The following SRP72 variants were observed in gnomAD, a reference collection of about 807,000 sequenced individuals.
SRP72 encodes the protein signal recognition particle subunit SRP72.
SRP72 carries 49 observed loss-of-function variants against 96.3 expected under a neutral mutation model. The ratio of observed to expected loss-of-function variants is 0.51; its 90% CI spans 0.40 to 0.65. The LOEUF (loss-of-function observed/expected upper bound fraction) is 0.65. Ranked by LOEUF, SRP72 falls within the 30% of genes least tolerant of loss-of-function variation. The pLI, the probability that SRP72 is intolerant of heterozygous loss-of-function variation, is 0.00. For missense variants in SRP72, 736 were observed against 793.3 expected, an observed-to-expected ratio of 0.93 and a Z score of 0.87; for synonymous variants, 267 against 275.2, an observed-to-expected ratio of 0.97 and a Z score of 0.30.
At chr4:56,500,857 C>CT (rs1438165698) in intron 18 of SRP72, among the ~76,000 whole-genome samples, 162 bp downstream of exon 18, 3 of 152,046 alleles carry the variant, frequency 2.0e-5, no homozygotes, top group Non-Finnish European at 4.4e-5. Flanking sequence ...AATATATTGC[C>CT]TTTTTAGACT....
intron 9 of SRP72, among the ~76,000 whole-genome samples, chr4:56,483,637 C>G (rs1213555864): frequency 6.6e-6 from 1 of 151,562 alleles, no homozygotes; most frequent in Non-Finnish European, 1.5e-5. Context: ...CCACTTCACT[C>G]CAGCCTGGGC....
chr4:56,474,202 G>A lies in SRP72; in HGVS notation c.498+5G>A, dbSNP rs1720109104. On this transcript the variant is annotated splice_donor_5th_base_variant and intron_variant, in intron 4 of 18. Transcript: ENST00000642900. ...AATTGGGAAAAAGTGGTTCCAGTGAGTATCCTTGTGGTGTACCCATACAGT... is the reference window on the plus strand; with the variant it reads ...AATTGGGAAAAAGTGGTTCCAGTGAATATCCTTGTGGTGTACCCATACAGT... 6.2e-7 allele frequency: 1 copy of A among 1,614,036 alleles called. No homozygotes were observed. Among genetic ancestry groups the A allele is most frequent in the South Asian group, 1.1e-5 (1 of 91,076 alleles).
intron 3 of SRP72, among the ~76,000 whole-genome samples, chr4:56,473,232 G>A (rs1402750456): frequency 6.6e-6 from 1 of 152,044 alleles, no homozygotes; most frequent in East Asian, 1.9e-4. Flanking sequence ...GGCCAAGGCG[G>A]GCGGATCATG....
chr4:56,493,956 A>G (rs1720992842), intron 16 of SRP72, among the ~76,000 whole-genome samples: 1 of 152,218 alleles, frequency 6.6e-6, no homozygotes, highest in South Asian at 2.1e-4. Flanking sequence ...CAGGGCATAG[A>G]GGAGTACACC....
At chr4:56,494,216 T>A (rs1203006620) in intron 16 of SRP72, among the ~76,000 whole-genome samples, 1 of 152,188 alleles carries the variant, frequency 6.6e-6, no homozygotes, top group Non-Finnish European at 1.5e-5. Context: ...AGATACAGTA[T>A]GTTGCATTTC....
chr4:56,467,647 C>T lies in SRP72; in HGVS notation c.12C>T (p.Gly4=), dbSNP rs752365891. MAS[G]GSGGVSVPAL... ...TCGTCTCCTCCAAGATGGCGAGCGG[C>T]GGCAGCGGGGGGGTGTCAGTACCTG... Residue 4 remains glycine, a synonymous_variant, in exon 1 of 19, where the codon GGC becomes GGT. Transcript: ENST00000642900. The T allele has an allele frequency of 5.8e-6, 9 of 1,558,988 alleles. No homozygotes were observed. Among genetic ancestry groups the T allele is most frequent in the East Asian group, 2.5e-5 (1 of 39,646 alleles).
chr4:56,494,409 T>C, intron 16 of SRP72, among the ~76,000 whole-genome samples: 1 of 60,704 alleles, frequency 1.6e-5, no homozygotes, highest in Non-Finnish European at 4.2e-5. Flanking sequence ...TCAGAATGCT[T>C]TTTTTTTTTT....
chr4:56,483,346 A>C (rs766040778), intron 9 of SRP72, 76 bp downstream of exon 9: 12 of 1,393,768 alleles, frequency 8.6e-6, no homozygotes, highest in Non-Finnish European at 1.2e-5. Flanking sequence ...ATATTAGTCT[A>C]ATCTTTTTAT....
In SRP72 at chr4:56,470,904, C is replaced by T. The variant is rs140009938; in HGVS notation, c.231-816C>T. Among the ~76,000 whole-genome samples the T allele has an allele frequency of 1.2e-3, 176 of 150,772 alleles. 2 individuals are homozygous for T. Among genetic ancestry groups the T allele is most frequent in the Non-Finnish European group, 2.2e-3 (146 of 67,852 alleles). ...GGAACCTCCACCTTCCGGGTTCACG[C>T]GATTCTCCTGCCTCAGCCTCCCAAG... On this transcript the variant is annotated intron_variant, in intron 2 of 18. Coordinates refer to ENST00000642900, the MANE Select transcript of SRP72 (RefSeq NM_006947.4).
intron 8 of SRP72, 22 bp from the exon 9 acceptor site, chr4:56,483,117 T>C (rs1191348081): frequency 3.1e-6 from 5 of 1,602,062 alleles, no homozygotes; most frequent in Non-Finnish European, 3.4e-6. Context: ...CTGTTAATGA[T>C]AGATAAACTT....
chr4:56,493,219 G>T (rs1459936087), intron 16 of SRP72, among the ~76,000 whole-genome samples: 1 of 151,692 alleles, frequency 6.6e-6, no homozygotes, highest in African/African-American at 2.4e-5. Context: ...TGTATTTTTA[G>T]TAGACAGGGT....
At chr4:56,482,450 A>G (rs1001848278) in intron 8 of SRP72, among the ~76,000 whole-genome samples, 1 of 151,000 alleles carries the variant, frequency 6.6e-6, no homozygotes, top group Non-Finnish European at 1.5e-5. Flanking sequence ...TCCATCTCAA[A>G]AAAAAAAAAG....
rs1259551381 is a variant in SRP72 at position 56,490,327 on chromosome 4, CTG to C, written c.1321-4_1321-3del. 10 of 1,603,710 alleles carry C rather than the reference CTG, an allele frequency of 6.2e-6. No individual in the cohort carries two copies. The highest frequency in any genetic ancestry group is 2.7e-5 in the African/African-American group (2 of 74,060). On this transcript the variant is annotated splice_polypyrimidine_tract_variant and splice_region_variant and intron_variant, in intron 13 of 18. Coordinates refer to ENST00000642900, the MANE Select transcript of SRP72 (RefSeq NM_006947.4). ...AACTTTTTTTTTCTTTTTATTGAAA[CTG>C]TAGCCAAAATCTCCTGCTCATTTGT...
chr4:56,485,401 A>C (rs4865106), intron 10 of SRP72, among the ~76,000 whole-genome samples: 910 of 56,428 alleles, frequency 0.016, 2 homozygotes, highest in Middle Eastern at 0.034. Context: ...TCCCCACAGC[A>C]AAAAAAAAAA....
At chr4:56,484,632 T>C in intron 9 of SRP72, 104 bp from the exon 10 acceptor site, 6 of 1,455,984 alleles carry the variant, frequency 4.1e-6, no homozygotes, top group Non-Finnish European at 5.7e-6. Context: ...CTTTGGTTAA[T>C]ATTTGTTTCA....
rs1720907920 is a variant in SRP72, at chr4:56,491,565, A to C, written c.1637A>C (p.Gln546Pro). The C allele has an allele frequency of 6.2e-7, 1 of 1,613,608 alleles. No individual in the cohort carries two copies. Among genetic ancestry groups the C allele is most frequent in the Non-Finnish European group, 8.5e-7 (1 of 1,179,720 alleles). Residue 546 changes from glutamine (Q) to proline (P), a missense_variant, in exon 16 of 19, where the codon CAA (glutamine) becomes CCA (proline). Around this residue, in one of 3 missense-constraint regions of SRP72, gnomAD observed 388 missense variants for 431.8 expected, o/e 0.90. Coordinates refer to ENST00000642900, the MANE Select transcript of SRP72 (RefSeq NM_006947.4). ...ACTGGAGATAGTCAACCAAAGGAAC[A>C]AGGGTAATATTTTTCATTGTAACGT... ...KVTGDSQPKEQGQGDLKKKKK... is the reference protein window; with the variant it reads ...KVTGDSQPKEPGQGDLKKKKK...
intron 3 of SRP72, among the ~76,000 whole-genome samples, chr4:56,473,191 G>A (rs887236780): frequency 1.3e-5 from 2 of 152,188 alleles, no homozygotes; most frequent in Middle Eastern, 3.4e-3. Context: ...CAAGAAGAAA[G>A]GTAAAGAAAA....
At chr4:56,472,725 A>G (rs1720027502) in intron 3 of SRP72, among the ~76,000 whole-genome samples, 1 of 152,172 alleles carries the variant, frequency 6.6e-6, no homozygotes, top group African/African-American at 2.4e-5. Flanking sequence ...GGTAGTATGG[A>G]TTTAATAATA....
At chr4:56,482,237 C>T (rs1471689581) in intron 8 of SRP72, among the ~76,000 whole-genome samples, 3 of 150,004 alleles carry the variant, frequency 2.0e-5, no homozygotes, top group Non-Finnish European at 3.0e-5. Context: ...GTCAGAAGAT[C>T]GAGACCATCC....
Sources: gnomAD v4.1 joint callset for allele counts (sites outside exome capture counted in the v4.1 genomes callset) on GRCh38, gnomAD v4.1.1 for gene constraint, gnomAD v4.1.1 regional missense constraint, MANE v1.5 for transcripts, NCBI Gene and HGNC (gene_info 2026-07-23, HGNC 2026-07-21) for gene names.